The following DPH5 variants were observed in gnomAD, a reference collection of about 807,000 sequenced individuals.
DPH5 encodes diphthamide biosynthesis 5.
A neutral mutation model predicts 31.6 loss-of-function variants in DPH5; 31 were observed. That is an observed-to-expected ratio of 0.98 (90% confidence interval 0.74 to 1.32). The LOEUF (loss-of-function observed/expected upper bound fraction) is 1.32, where lower values mean the gene tolerates loss of function less well. Ranked by LOEUF, DPH5 falls within the 40% of genes most tolerant of loss-of-function variation. The probability of loss-of-function intolerance (pLI) is 0.00; values close to 1 mark genes in which losing one functional copy is unlikely to be tolerated. For missense variants in DPH5, 309 were observed against 335.7 expected (o/e 0.92, Z 0.62); for synonymous variants, 120 against 115.0 (o/e 1.04, Z -0.28).
chr1:101,025,498 G>A, intron 1 of DPH5, 32 bp from the exon 2 acceptor site: 2 of 1,603,366 alleles, frequency 1.2e-6, no homozygotes, highest in South Asian at 2.2e-5. Context: ...AAAACCGTCA[G>A]TAACACCGAG....
At position 101,025,704 on chromosome 1, in the gene DPH5, G is replaced by A. The variant is rs1198873782; in HGVS notation, c.-45C>T. 1 of 489,948 alleles carries A rather than the reference G, an allele frequency of 2.0e-6. No homozygotes were observed. Among genetic ancestry groups the A allele is most frequent in the Non-Finnish European group, 3.7e-6 (1 of 271,472 alleles). 30.4% of individuals were successfully genotyped at this position (489,948 alleles called of 1,614,324 possible). On this transcript the variant is annotated 5_prime_UTR_variant, in exon 1 of 8. Coordinates refer to ENST00000370109, the MANE Select transcript of DPH5 (RefSeq NM_015958.3). ...TTACCCGCTGAGAGAATCGTAGGTA[G>A]TTCTCTGGCCTTTACAAATTCTTAA... is the stretch of plus-strand genomic sequence containing the variant.
chr1:101,021,773 T>C lies in DPH5; in HGVS notation c.136-8A>G, dbSNP rs377043393. ...TCTTCCATAAAACTCTTCCTACAGATATAAGTCCAATATCAAGATAAAGAG... is the reference window on the plus strand; with the variant it reads ...TCTTCCATAAAACTCTTCCTACAGACATAAGTCCAATATCAAGATAAAGAG... On this transcript the variant is annotated splice_region_variant and splice_polypyrimidine_tract_variant and intron_variant, in intron 2 of 7. Transcript: ENST00000370109. 1.2e-6 allele frequency: 2 copies of C among 1,609,486 alleles called. No individual in the cohort carries two copies. The highest frequency in any genetic ancestry group is 1.7e-6 in the Non-Finnish European group (2 of 1,177,594).
intron 4 of DPH5, among the ~76,000 whole-genome samples, chr1:101,006,334 G>A (rs766178229): frequency 9.2e-5 from 14 of 151,722 alleles, no homozygotes; most frequent in Non-Finnish European, 1.5e-4. Flanking sequence ...TTATATTTAC[G>A]ATTTAAAAAG....
chr1:101,010,448 G>T (rs1370061423), intron 4 of DPH5, among the ~76,000 whole-genome samples: 1 of 152,100 alleles, frequency 6.6e-6, no homozygotes, highest in East Asian at 1.9e-4. Flanking sequence ...ATTTTCTGTT[G>T]GCTAATAAAC....
rs1570633320 is a variant in DPH5, at chr1:100,990,276, T to A, written c.*132A>T. 3.8e-6 allele frequency: 3 copies of A among 792,428 alleles called. No homozygotes were observed. The East Asian group carries it at 7.9e-5, about 21-fold the overall frequency. The allele number at this position is 792,428 out of a possible 1,614,324, so 49.1% of individuals were successfully genotyped here. On this transcript the variant is annotated 3_prime_UTR_variant, in exon 8 of 8. Coordinates refer to ENST00000370109, the MANE Select transcript of DPH5 (RefSeq NM_015958.3). ...GCATGAGGGAAACTGCCCCCATGATTCAATTACCTACCACAACACCTGGGA... is the reference window on the plus strand; with the variant it reads ...GCATGAGGGAAACTGCCCCCATGATACAATTACCTACCACAACACCTGGGA...
In DPH5 at chr1:101,025,463, G is replaced by C. The variant is rs373682605; in HGVS notation, c.-20C>G. The C allele has an allele frequency of 6.2e-7, 1 of 1,613,444 alleles. No individual in the cohort carries two copies. The highest frequency in any genetic ancestry group is 1.1e-5 in the South Asian group (1 of 91,046). ...AAGCATTTCAAACTTGAGGAGAAGA[G>C]AGACTGCAAGACGAAGTGGACAGAA... On this transcript the variant is annotated 5_prime_UTR_variant, in exon 2 of 8. Coordinates refer to ENST00000370109, the MANE Select transcript of DPH5 (RefSeq NM_015958.3).
At chr1:101,000,435 G>A (rs760639639) in intron 5 of DPH5, among the ~76,000 whole-genome samples, 8 of 152,170 alleles carry the variant, frequency 5.3e-5, no homozygotes, top group Non-Finnish European at 7.4e-5. Flanking sequence ...ATAAAAGACC[G>A]AAAATTTAAA....
rs978775873 is a variant in DPH5, at chr1:101,004,884, A to G, written c.370-3297T>C. Among the ~76,000 whole-genome samples the G allele has an allele frequency of 1.3e-5, 2 of 152,220 alleles. 1 individual carries two copies. The highest frequency in any genetic ancestry group is 4.8e-5 in the African/African-American group (2 of 41,458). On this transcript the variant is annotated intron_variant, in intron 4 of 7. Transcript: ENST00000370109. ...GCGGGAAGTCTTGGGCAATATTTAA[A>G]ATGGCATTAAGCCATTACCCAGAAA...
At chr1:101,005,889 CAT>C (rs1040047397) in intron 4 of DPH5, among the ~76,000 whole-genome samples, 1 of 151,838 alleles carries the variant, frequency 6.6e-6, no homozygotes, top group East Asian at 1.9e-4. Flanking sequence ...ATAATCCCCA[CAT>C]GTTGTGGGAG....
At chr1:101,022,031 T>C (rs1429282261) in intron 2 of DPH5, among the ~76,000 whole-genome samples, 1 of 152,236 alleles carries the variant, frequency 6.6e-6, no homozygotes, top group Non-Finnish European at 1.5e-5. Context: ...TTTTGCATTT[T>C]AAATTTATTT....
At chr1:101,016,603 G>A (rs908528863) in intron 3 of DPH5, among the ~76,000 whole-genome samples, 4 of 151,206 alleles carry the variant, frequency 2.6e-5, no homozygotes, top group Admixed American at 6.6e-5. Context: ...CCGCCACCAC[G>A]CCCAGCTAAT....
At chr1:100,995,946 G>C (rs950250078) in intron 5 of DPH5, 2 of 152,210 alleles carry the variant, frequency 1.3e-5, no homozygotes, top group Non-Finnish European at 2.9e-5. Context: ...TAGTGCAACT[G>C]AGGAGTCTTT....
intron 5 of DPH5, chr1:100,996,271 A>G (rs1268167486): frequency 6.6e-6 from 1 of 152,074 alleles, no homozygotes; most frequent in African/African-American, 2.4e-5. Flanking sequence ...TAACCCGTTT[A>G]TTAATTCATT....
chr1:101,020,242 G>C (rs1051340494), intron 3 of DPH5, among the ~76,000 whole-genome samples: 1 of 152,080 alleles, frequency 6.6e-6, no homozygotes, highest in African/African-American at 2.4e-5. Flanking sequence ...CCCAGCGCAA[G>C]TTCCAGCTCC....
In DPH5 at chr1:101,025,412, T is replaced by C; in HGVS notation, c.32A>G (p.Asp11Gly). The C allele has an allele frequency of 6.2e-7, 1 of 1,614,118 alleles. No individual in the cohort carries two copies. Among genetic ancestry groups the C allele is most frequent in the Non-Finnish European group, 8.5e-7 (1 of 1,180,016 alleles). The change falls in exon 2 of 8, where the codon GAT (aspartate) becomes GGT (glycine). Residue 11 changes from aspartate to glycine, a missense_variant. Asp to Gly is a moderately conservative substitution (Grantham distance 94). Coordinates refer to ENST00000370109, the MANE Select transcript of DPH5 (RefSeq NM_015958.3). MLYLIGLGLG[D>G]AKDITVKGLE... The stretch of plus-strand genomic sequence containing the variant: ...GCCCTTGACTGTGATGTCCTTGGCA[T>C]CTCCCAGGCCCAACCCGATGAGATA...
At chr1:101,018,238 ATTTTT>A (rs34464496) in intron 3 of DPH5, among the ~76,000 whole-genome samples, 1 of 138,944 alleles carries the variant, frequency 7.2e-6, no homozygotes, top group African/African-American at 2.7e-5. Flanking sequence ...ACAAAATTTG[ATTTTT>A]TTTTTTTTTT....
At position 100,990,566 on chromosome 1, in the gene DPH5, C is replaced by G. The variant is rs1380327693; in HGVS notation, c.700G>C (p.Ala234Pro). 5 of 1,614,032 alleles carry G rather than the reference C, an allele frequency of 3.1e-6. No individual in the cohort carries two copies. In the Admixed American group the frequency reaches 8.3e-5, roughly 27 times the overall value. ...GTGCACATTTGCCTTAAAGTGCCTGCTGCAATTTTCTGGTCGTCGGCTCCA... is the reference window on the plus strand; with the variant it reads ...GTGCACATTTGCCTTAAAGTGCCTGGTGCAATTTTCTGGTCGTCGGCTCCA... ...RVGADDQKIAAGTLRQMCTVD... is the reference protein window; with the variant it reads ...RVGADDQKIAPGTLRQMCTVD... Residue 234 changes from alanine to proline, a missense_variant, in exon 8 of 8, where the codon GCA (alanine) becomes CCA (proline). Coordinates refer to ENST00000370109, the MANE Select transcript of DPH5 (RefSeq NM_015958.3).
At chr1:101,003,248 G>A (rs1258363713) in intron 4 of DPH5, among the ~76,000 whole-genome samples, 1 of 152,166 alleles carries the variant, frequency 6.6e-6, no homozygotes, top group African/African-American at 2.4e-5. Context: ...CCAGGAATAT[G>A]TTCACTCTGT....
intron 4 of DPH5, among the ~76,000 whole-genome samples, chr1:101,007,256 T>C (rs1375106821): frequency 6.6e-6 from 1 of 152,212 alleles, no homozygotes; most frequent in Non-Finnish European, 1.5e-5. Context: ...TTTTATTTTC[T>C]TTTTATACTC....
Sources: allele counts gnomAD v4.1 joint callset (sites outside exome capture counted in the v4.1 genomes callset), GRCh38; gene constraint gnomAD v4.1.1; transcripts MANE v1.5; gene names NCBI Gene and HGNC (gene_info 2026-07-23, HGNC 2026-07-21).